NRXN3: variants seen among roughly 807,000 people sequenced by gnomAD.
The protein encoded by NRXN3 is neurexin 3.
Under a neutral mutation model 137.6 loss-of-function variants are expected in NRXN3, and 32 were observed. The observed-to-expected ratio is 0.23, with a 90% CI of 0.18 to 0.31. The LOEUF (loss-of-function observed/expected upper bound fraction) is 0.31, where lower values mean the gene tolerates loss of function less well. NRXN3 is among the 10% of genes least tolerant of loss of function. The probability of loss-of-function intolerance (pLI) is 1.00; values close to 1 mark genes in which losing one functional copy is unlikely to be tolerated. For missense variants in NRXN3, 1,574 were observed against 2,062.5 expected (o/e 0.76, Z 4.59); for synonymous variants, 798 against 784.5 (o/e 1.02, Z -0.29).
intron 10 of NRXN3, among the ~76,000 whole-genome samples, chr14:78,882,178 T>C (rs2099130895): frequency 1.3e-5 from 2 of 151,756 alleles, no homozygotes; most frequent in Non-Finnish European, 2.9e-5. Context: ...CAGGCAGAAG[T>C]CTGCTGCAGG....
intron 15 of NRXN3, among the ~76,000 whole-genome samples, chr14:79,294,565 G>A (rs1244455405): frequency 6.6e-6 from 1 of 152,080 alleles, no homozygotes; most frequent in African/African-American, 2.4e-5. Flanking sequence ...AACCAAAGAA[G>A]CATAAATGAC....
chr14:79,152,966 C>T (rs2059935587), intron 15 of NRXN3, among the ~76,000 whole-genome samples: 1 of 151,594 alleles, frequency 6.6e-6, no homozygotes, highest in African/African-American at 2.4e-5. Context: ...CACTGCTAAA[C>T]CATTTTTCAC....
chr14:78,246,446 A>T (rs991658424), intron 2 of NRXN3, among the ~76,000 whole-genome samples: 2 of 152,138 alleles, frequency 1.3e-5, no homozygotes, highest in African/African-American at 2.4e-5. Context: ...TAGAAGGCAA[A>T]CACACATCCT....
chr14:78,384,892 T>G (rs60362680), intron 4 of NRXN3, among the ~76,000 whole-genome samples: 1 of 152,210 alleles, frequency 6.6e-6, no homozygotes, highest in Admixed American at 6.5e-5. Context: ...ACTCTAGACT[T>G]TAAGACGTTG....
intron 3 of NRXN3, chr14:78,282,174 C>T (rs138850453): frequency 1.2e-5 from 6 of 495,966 alleles, no homozygotes; most frequent in Non-Finnish European, 2.4e-5. Flanking sequence ...TGCTTTTGTA[C>T]ATTGGGATTT....
intron 15 of NRXN3, among the ~76,000 whole-genome samples, chr14:79,411,287 A>C: frequency 6.6e-6 from 1 of 152,160 alleles, no homozygotes; most frequent in East Asian, 1.9e-4. Context: ...TGGCAACACT[A>C]AGTTTGTAAT....
chr14:79,138,396 C>G (rs139781554), intron 15 of NRXN3, among the ~76,000 whole-genome samples: 4 of 152,158 alleles, frequency 2.6e-5, no homozygotes, highest in Non-Finnish European at 1.5e-5. Context: ...CACAAGTGAT[C>G]CCTCCACCTT....
At chr14:78,199,654 C>T (rs2061504689) in intron 1 of NRXN3, among the ~76,000 whole-genome samples, 1 of 152,178 alleles carries the variant, frequency 6.6e-6, no homozygotes, top group Admixed American at 6.5e-5. Flanking sequence ...AATGAACCCA[C>T]TCTGCTATTT....
intron 14 of NRXN3, among the ~76,000 whole-genome samples, chr14:78,979,455 A>T (rs1357130872): frequency 6.6e-6 from 1 of 152,118 alleles, no homozygotes; most frequent in African/African-American, 2.4e-5. Flanking sequence ...CATATACATA[A>T]ATCTATGTAT....
rs564725853 is a variant in NRXN3, at chr14:79,151,400, T to C, written c.3262+163259T>C. 9.2e-5 allele frequency among the ~76,000 whole-genome samples: 14 copies of C among 152,128 alleles called. No individual in the cohort carries two copies. In the South Asian group the frequency reaches 2.9e-3, roughly 32 times the overall value. On this transcript the variant is annotated intron_variant, in intron 15 of 20. Coordinates refer to ENST00000335750, the MANE Select transcript of NRXN3 (RefSeq NM_001330195.2). ...GGTGAGCCTCCAGCTGCAAAAACCA[T>C]AGCAAGTATGGCAGGGAGCATCTTT... is the stretch of plus-strand genomic sequence containing the variant.
At chr14:79,649,026 G>C (rs146364549) in intron 16 of NRXN3, among the ~76,000 whole-genome samples, 135 of 152,250 alleles carry the variant, frequency 8.9e-4, no homozygotes, top group African/African-American at 3.2e-3. Context: ...GCATTTTTCT[G>C]TATTCTTTCA....
chr14:78,190,389 C>G (rs1273630346), intron 1 of NRXN3, among the ~76,000 whole-genome samples: 1 of 152,148 alleles, frequency 6.6e-6, no homozygotes, highest in Non-Finnish European at 1.5e-5. Flanking sequence ...ATGAAGATCA[C>G]CTGGAATTCC....
chr14:79,205,656 A>G (rs1456438631), intron 15 of NRXN3, among the ~76,000 whole-genome samples: 1 of 152,206 alleles, frequency 6.6e-6, no homozygotes, highest in Non-Finnish European at 1.5e-5. Flanking sequence ...TGGTATGGAA[A>G]TTATTTAATT....
At chr14:78,565,771 G>A (rs1375387374) in intron 4 of NRXN3, among the ~76,000 whole-genome samples, 4 of 151,990 alleles carry the variant, frequency 2.6e-5, no homozygotes, top group Admixed American at 2.6e-4. Flanking sequence ...TGTAGATAGA[G>A]GCCTCTGTAC....
chr14:79,068,932 A>G (rs1479438306), intron 15 of NRXN3, among the ~76,000 whole-genome samples: 1 of 152,126 alleles, frequency 6.6e-6, no homozygotes. Context: ...AGCCTTAGGC[A>G]GTATAAATTC....
At chr14:78,236,881 A>G (rs2063983) in intron 1 of NRXN3, among the ~76,000 whole-genome samples, 47,728 of 151,950 alleles carry the variant, frequency 0.31, 8,508 homozygotes, top group African/African-American at 0.49. Context: ...TATATCTTTG[A>G]GAGAATTCAT....
intron 4 of NRXN3, among the ~76,000 whole-genome samples, chr14:78,481,102 C>T (rs1205117890): frequency 1.3e-5 from 2 of 152,106 alleles, no homozygotes; most frequent in Non-Finnish European, 2.9e-5. Context: ...CTACACAAGT[C>T]TTCTATTATA....
At chr14:78,597,230 A>G (rs1205041986) in intron 4 of NRXN3, among the ~76,000 whole-genome samples, 4 of 152,214 alleles carry the variant, frequency 2.6e-5, no homozygotes, top group Non-Finnish European at 4.4e-5. Flanking sequence ...AGGTGAGCTT[A>G]GTGTCTGACT....
intron 2 of NRXN3, among the ~76,000 whole-genome samples, chr14:78,264,941 A>G (rs2071441089): frequency 6.6e-6 from 1 of 152,112 alleles, no homozygotes; most frequent in Non-Finnish European, 1.5e-5. Flanking sequence ...CCACTGTGTG[A>G]TAGTTAAAAC....
Sources: gnomAD v4.1 joint callset for allele counts (sites outside exome capture counted in the v4.1 genomes callset) on GRCh38, gnomAD v4.1.1 for gene constraint, MANE v1.5 for transcripts, NCBI Gene and HGNC (gene_info 2026-07-23, HGNC 2026-07-21) for gene names.